Variants in CACNA1E observed in about 807,000 individuals in gnomAD.
CACNA1E encodes the protein calcium voltage-gated channel subunit alpha1 E.
In CACNA1E, 40 loss-of-function variants were observed where a neutral mutation model predicts 259.2. The ratio of observed to expected loss-of-function variants is 0.15; its 90% CI spans 0.12 to 0.20. The LOEUF (loss-of-function observed/expected upper bound fraction) is 0.20, where lower values mean the gene tolerates loss of function less well. CACNA1E is among the 10% of genes least tolerant of loss of function. The pLI is 1.00. For synonymous variants in CACNA1E, 1,104 were observed against 1,138.5 expected (o/e 0.97, Z 0.61); for missense variants, 1,874 against 3,040.1 (o/e 0.62, Z 9.02).
At chr1:181,411,197 G>C (rs1657816981) in intron 1 of CACNA1E, among the ~76,000 whole-genome samples, 1 of 152,208 alleles carries the variant, frequency 6.6e-6, no homozygotes, top group South Asian at 2.1e-4. Flanking sequence ...ACTCCCCCCA[G>C]TACTTAGACC....
chr1:181,717,998 G>A, intron 11 of CACNA1E, 57 bp from the exon 12 acceptor site: 1 of 808,894 alleles, frequency 1.2e-6, no homozygotes, highest in Non-Finnish European at 2.1e-6. Flanking sequence ...TGTTAGCTGA[G>A]AAGTGCATGA....
chr1:181,429,571 C>A (rs1438341161), intron 2 of CACNA1E, among the ~76,000 whole-genome samples: 1 of 152,224 alleles, frequency 6.6e-6, no homozygotes, highest in Admixed American at 6.5e-5. Context: ...GTCTATTGCT[C>A]AGGAGCCTGG....
intron 6 of CACNA1E, among the ~76,000 whole-genome samples, chr1:181,607,061 G>C (rs1654303783): frequency 6.6e-6 from 1 of 152,114 alleles, no homozygotes; most frequent in Non-Finnish European, 1.5e-5. Flanking sequence ...CTAAACCTAA[G>C]CTCCATGAGA....
At chr1:181,613,992 G>A (rs144628296) in intron 6 of CACNA1E, among the ~76,000 whole-genome samples, 2 of 152,154 alleles carry the variant, frequency 1.3e-5, no homozygotes, top group African/African-American at 4.8e-5. Flanking sequence ...AAAGTCTCCA[G>A]CTTTAGATAA....
chr1:181,461,134 C>A lies in CACNA1E; in HGVS notation c.435-22610C>A, dbSNP rs957586605. On this transcript the variant is annotated intron_variant, in intron 2 of 11. Transcript: ENST00000524607. ...CATTAAGGGAGGTAACAGATCATTA[C>A]AAAACATTCCTCTGGAGTTATTCAG... is the stretch of plus-strand genomic sequence containing the variant. Among the ~76,000 whole-genome samples the A allele has an allele frequency of 1.5e-4, 23 of 152,276 alleles. No homozygotes were observed. The South Asian group carries it at 1.7e-3, about 11-fold the overall frequency.
intron 12 of CACNA1E, among the ~76,000 whole-genome samples, chr1:181,718,396 A>G (rs758859633): frequency 6.6e-6 from 1 of 152,128 alleles, no homozygotes; most frequent in Non-Finnish European, 1.5e-5. Flanking sequence ...AATGTAACAC[A>G]TACATTATAG....
intron 3 of CACNA1E, among the ~76,000 whole-genome samples, chr1:181,545,003 C>T (rs1197450167): frequency 6.6e-6 from 1 of 152,132 alleles, no homozygotes; most frequent in Non-Finnish European, 1.5e-5. Context: ...AAAAATTTGG[C>T]CCTACCCCCA....
At chr1:181,593,366 G>T (rs1020443712) in intron 6 of CACNA1E, among the ~76,000 whole-genome samples, 3 of 152,156 alleles carry the variant, frequency 2.0e-5, no homozygotes, top group Admixed American at 6.5e-5. Flanking sequence ...TTGTGAGCGT[G>T]CTCAGGTCCT....
chr1:181,400,103 C>T (rs962679017), intron 1 of CACNA1E, among the ~76,000 whole-genome samples: 2 of 152,168 alleles, frequency 1.3e-5, no homozygotes. Flanking sequence ...GTGTTCCCCC[C>T]CACCAGGGGT....
intron 3 of CACNA1E, among the ~76,000 whole-genome samples, chr1:181,558,120 T>G (rs1309465669): frequency 3.3e-5 from 5 of 152,228 alleles, no homozygotes; most frequent in Non-Finnish European, 5.9e-5. Context: ...ACATTTGTCT[T>G]GGAACACTTG....
intron 1 of CACNA1E, among the ~76,000 whole-genome samples, chr1:181,395,768 G>A (rs745705927): frequency 3.3e-5 from 5 of 152,266 alleles, no homozygotes; most frequent in Admixed American, 2.0e-4. Flanking sequence ...CCATGAGGTC[G>A]AAGGAAAACC....
chr1:181,391,943 CTCTGTGTG>C (rs1392165692), intron 1 of CACNA1E, among the ~76,000 whole-genome samples: 9 of 125,054 alleles, frequency 7.2e-5, no homozygotes, highest in African/African-American at 2.7e-4. Context: ...CTCTCTCTCT[CTCTGTGTG>C]TGTGTGTGTG....
At chr1:181,771,649 T>C (rs1659527378) in intron 36 of CACNA1E, 3 of 479,292 alleles carry the variant, frequency 6.3e-6, no homozygotes, top group East Asian at 3.3e-5. Context: ...AATACTTGGG[T>C]GGGAGAAAAT....
chr1:181,400,491 C>G (rs1657019308), intron 1 of CACNA1E, among the ~76,000 whole-genome samples: 2 of 152,074 alleles, frequency 1.3e-5, no homozygotes, highest in African/African-American at 4.8e-5. Flanking sequence ...TGACACCTCT[C>G]CCCCACCACA....
intron 2 of CACNA1E, among the ~76,000 whole-genome samples, chr1:181,469,220 T>C (rs1487373663): frequency 6.6e-6 from 1 of 152,058 alleles, no homozygotes. Context: ...ACTCTGCCCA[T>C]CTCCTGAATG....
At chr1:181,510,701 T>C (rs1202349693) in intron 2 of CACNA1E, 119 bp downstream of exon 2, 3 of 683,952 alleles carry the variant, frequency 4.4e-6, no homozygotes, top group Non-Finnish European at 8.0e-6. Context: ...GTTTGCTCTT[T>C]GCTGGGGGAC....
chr1:181,598,797 T>A (rs908966915), intron 6 of CACNA1E, among the ~76,000 whole-genome samples: 1 of 152,190 alleles, frequency 6.6e-6, no homozygotes, highest in African/African-American at 2.4e-5. Flanking sequence ...ATAGCCCTGA[T>A]AATCTGTCCC....
intron 3 of CACNA1E, among the ~76,000 whole-genome samples, chr1:181,553,121 C>T (rs1648351376): frequency 6.6e-6 from 1 of 152,176 alleles, no homozygotes; most frequent in African/African-American, 2.4e-5. Context: ...ATTGATTCTT[C>T]CTATCCATGA....
chr1:181,422,862 A>G (rs1658858830), intron 2 of CACNA1E, among the ~76,000 whole-genome samples: 1 of 152,192 alleles, frequency 6.6e-6, no homozygotes, highest in Non-Finnish European at 1.5e-5. Flanking sequence ...AAAGTGTACA[A>G]GAACTGCTAA....
Sources: allele counts gnomAD v4.1 joint callset (sites outside exome capture counted in the v4.1 genomes callset), GRCh38; gene constraint gnomAD v4.1.1; transcripts MANE v1.5; gene names NCBI Gene and HGNC (gene_info 2026-07-23, HGNC 2026-07-21).